Variants in BCLAF3 observed in about 807,000 individuals in gnomAD.
BCLAF3 encodes transient octamer binding factor 1.
BCLAF3 carries 24 observed loss-of-function variants against 51.2 expected under a neutral mutation model. The ratio of observed to expected loss-of-function variants is 0.47; its 90% CI spans 0.34 to 0.66. The LOEUF is 0.66. BCLAF3 is among the 30% of genes least tolerant of loss of function. BCLAF3 has a pLI of 0.01. For synonymous variants in BCLAF3, 152 were observed against 176.6 expected, an observed-to-expected ratio of 0.86 and a Z score of 1.10; for missense variants, 465 against 525.1, an observed-to-expected ratio of 0.89 and a Z score of 1.12.
intron 4 of BCLAF3, among the ~76,000 whole-genome samples, chrX:19,964,084 C>T (rs2071957550): frequency 8.9e-6 from 1 of 111,734 alleles, no homozygotes; most frequent in African/African-American, 3.3e-5. Context: ...TGTGGGTTTA[C>T]CTCCCTCCCC....
chrX:19,953,698 G>C, intron 6 of BCLAF3, 80 bp downstream of exon 6: 1 of 765,589 alleles, frequency 1.3e-6, no homozygotes. Context: ...GAGCAGGTTC[G>C]GAAAGCAGCC....
chrX:19,927,465 ATAAGTG>A (rs747624295), intron 11 of BCLAF3, among the ~76,000 whole-genome samples: 1 of 112,347 alleles, frequency 8.9e-6, no homozygotes, highest in South Asian at 3.7e-4. Flanking sequence ...TAAAGGCTTC[ATAAGTG>A]TAAGTATTTA....
At chrX:19,927,931 A>G (rs1162770430) in intron 11 of BCLAF3, among the ~76,000 whole-genome samples, 1 of 106,246 alleles carries the variant, frequency 9.4e-6, no homozygotes, top group Non-Finnish European at 1.9e-5. Context: ...GCTGGAGTGC[A>G]GTTGCATGAT....
intron 2 of BCLAF3, among the ~76,000 whole-genome samples, chrX:19,968,840 G>A (rs1196632111): frequency 2.7e-5 from 3 of 112,478 alleles, no homozygotes; most frequent in Non-Finnish European, 5.6e-5. Context: ...TGGGCCGGGC[G>A]CAGTGGCTCA....
chrX:19,922,757 G>A (rs377353001), intron 11 of BCLAF3, among the ~76,000 whole-genome samples: 96 of 110,645 alleles, frequency 8.7e-4, no homozygotes, highest in Non-Finnish European at 1.4e-3. Flanking sequence ...AAACTTAGCC[G>A]GGCATTGTGG....
In BCLAF3 at chrX:19,932,525, A is replaced by ATTT. The variant is rs58949658; in HGVS notation, c.1951-2588_1951-2586dup. Among the ~76,000 whole-genome samples the ATTT allele has an allele frequency of 8.5e-3, 661 of 77,374 alleles. 31 individuals carry two copies. Among genetic ancestry groups the ATTT allele is most frequent in the African/African-American group, 0.035 (621 of 17,712 alleles). 67.2% of individuals were successfully genotyped at this position (77,374 alleles called of 115,157 possible). Reference sequence around the variant, plus strand: ...TACATCTTTACAGATACAAGTCAAGATTTTTTTTTTTTTTTTTTTTTTTTG... The same window carrying ATTT: ...TACATCTTTACAGATACAAGTCAAGATTTTTTTTTTTTTTTTTTTTTTTTTTTG... On this transcript the variant is annotated intron_variant, in intron 10 of 11. Transcript: ENST00000379682.
intron 10 of BCLAF3, chrX:19,935,599 T>C: frequency 2.6e-6 from 1 of 379,701 alleles, no homozygotes; most frequent in South Asian, 4.9e-5. Context: ...AGGAATCTAC[T>C]GGTAAAAAAA....
intron 1 of BCLAF3, among the ~76,000 whole-genome samples, chrX:19,980,302 T>C: frequency 8.9e-6 from 1 of 111,955 alleles, no homozygotes; most frequent in Admixed American, 9.5e-5. Context: ...TGGATCAGTA[T>C]CAGATTATGA....
intron 4 of BCLAF3, among the ~76,000 whole-genome samples, chrX:19,963,181 CTTT>C (rs10538654): frequency 3.7e-4 from 28 of 76,399 alleles, no homozygotes; most frequent in African/African-American, 5.4e-4. Flanking sequence ...TCCAAGCTCC[CTTT>C]TTTTTTTTTT....
chrX:19,990,658 T>C (rs2072909117), intron 1 of BCLAF3, among the ~76,000 whole-genome samples: 1 of 113,056 alleles, frequency 8.8e-6, no homozygotes, highest in Non-Finnish European at 1.9e-5. Context: ...TCGCCGTGCC[T>C]GTCGAGGGAC....
chrX:19,977,214 G>C (rs1425581356), intron 1 of BCLAF3, among the ~76,000 whole-genome samples: 1 of 111,682 alleles, frequency 9.0e-6, no homozygotes, highest in Non-Finnish European at 1.9e-5. Flanking sequence ...CAAGTGAAAG[G>C]AAGAGTCACA....
intron 1 of BCLAF3, 65 bp from the exon 2 acceptor site, chrX:19,970,363 G>T: frequency 1.0e-6 from 1 of 1,003,133 alleles, no homozygotes; most frequent in Non-Finnish European, 1.4e-6. Context: ...AAAACATAGC[G>T]AATGCTGCCA....
chrX:19,921,608 T>A (rs182598470), intron 11 of BCLAF3, among the ~76,000 whole-genome samples: 78 of 109,154 alleles, frequency 7.1e-4, no homozygotes, highest in African/African-American at 2.5e-3. Context: ...GAGGCTGAGA[T>A]AGGAGGATCG....
At chrX:19,958,795 T>A (rs762661081) in intron 4 of BCLAF3, among the ~76,000 whole-genome samples, 1 of 112,509 alleles carries the variant, frequency 8.9e-6, no homozygotes, top group Non-Finnish European at 1.9e-5. Context: ...CGTATCCCCA[T>A]CATTGCACAA....
chrX:19,934,296 G>A (rs1346613189), intron 10 of BCLAF3, among the ~76,000 whole-genome samples: 2 of 111,971 alleles, frequency 1.8e-5, no homozygotes, highest in Non-Finnish European at 1.9e-5. Flanking sequence ...GATGCTGTTA[G>A]AAAAATACTA....
chrX:19,974,166 T>C, intron 1 of BCLAF3, among the ~76,000 whole-genome samples: 1 of 112,237 alleles, frequency 8.9e-6, no homozygotes, highest in African/African-American at 3.2e-5. Context: ...TCTATACCCG[T>C]TTCATTGGGA....
chrX:19,962,126 CTCTTT>C (rs1238161363), intron 4 of BCLAF3, among the ~76,000 whole-genome samples: 1 of 112,219 alleles, frequency 8.9e-6, no homozygotes, highest in African/African-American at 3.2e-5. Flanking sequence ...TTTTTTAATT[CTCTTT>C]TAACTATAAC....
chrX:19,949,352 A>C (rs902464817), intron 8 of BCLAF3, among the ~76,000 whole-genome samples: 2 of 112,480 alleles, frequency 1.8e-5, no homozygotes, highest in Non-Finnish European at 3.8e-5. Context: ...CAGCCACTGA[A>C]CTCAGGTCCA....
At chrX:19,940,581 C>T (rs5955866) in intron 8 of BCLAF3, among the ~76,000 whole-genome samples, 37,045 of 109,697 alleles carry the variant, frequency 0.34, 7,994 homozygotes, top group African/African-American at 0.8. Context: ...TCATCCATGT[C>T]CCTACAAAGA....
Sources: gnomAD v4.1 joint callset for allele counts (sites outside exome capture counted in the v4.1 genomes callset) on GRCh38, gnomAD v4.1.1 for gene constraint, MANE v1.5 for transcripts, NCBI Gene and HGNC (gene_info 2026-07-23, HGNC 2026-07-21) for gene names.